The following SEC61A2 variants were observed in gnomAD, a reference collection of about 807,000 sequenced individuals.
SEC61A2 encodes the protein SEC61 translocon subunit alpha 2.
In SEC61A2, 28 loss-of-function variants were observed where a neutral mutation model predicts 59.9. The ratio of observed to expected loss-of-function variants is 0.47; its 90% CI spans 0.35 to 0.64. SEC61A2 has a LOEUF of 0.64. Ranked by LOEUF, SEC61A2 falls within the 30% of genes least tolerant of loss-of-function variation. The pLI, the probability that SEC61A2 is intolerant of heterozygous loss-of-function variation, is 0.01. For synonymous variants in SEC61A2, 202 were observed against 214.4 expected, an observed-to-expected ratio of 0.94 and a Z score of 0.50; for missense variants, 340 against 585.9, an observed-to-expected ratio of 0.58 and a Z score of 4.33.
chr10:12,158,038 T>C lies in SEC61A2; in HGVS notation c.908T>C (p.Val303Ala). The C allele has an allele frequency of 1.2e-6, 2 of 1,614,204 alleles. No homozygotes were observed. Among genetic ancestry groups the C allele is most frequent in the Non-Finnish European group, 1.7e-6 (2 of 1,180,028 alleles). ...LQSALVSNLY[V>A]ISQMLSVRFS... is the part of the protein sequence containing the mutation. ...TCGGCCCTGGTGTCCAACCTGTATGTTATTTCCCAGATGCTGTCTGTTCGA... is the reference window on the plus strand; with the variant it reads ...TCGGCCCTGGTGTCCAACCTGTATGCTATTTCCCAGATGCTGTCTGTTCGA... Residue 303 changes from valine to alanine, a missense_variant, in exon 9 of 12, where the codon GTT becomes GCT. Around this residue, in one of 3 missense-constraint regions of SEC61A2, gnomAD observed 283 missense variants for 483.2 expected, o/e 0.59. Coordinates refer to ENST00000298428, the MANE Select transcript of SEC61A2 (RefSeq NM_018144.4). The surrounding 1 kb of genome is among the most constrained non-coding windows in gnomAD (Gnocchi z 5.7).
chr10:12,153,646 C>G lies in SEC61A2; in HGVS notation c.463-2132C>G. 1 of 1,344,736 alleles carries G rather than the reference C, an allele frequency of 7.4e-7. No homozygotes were observed. Among genetic ancestry groups the G allele is most frequent in the Non-Finnish European group, 1.0e-6 (1 of 980,686 alleles). 83.3% of individuals were successfully genotyped at this position (1,344,736 alleles called of 1,614,324 possible). On this transcript the variant is annotated intron_variant, in intron 6 of 11. Coordinates refer to ENST00000298428, the MANE Select transcript of SEC61A2 (RefSeq NM_018144.4). The surrounding 1 kb of genome is among the most constrained non-coding windows in gnomAD (Gnocchi z 5.2). Reference sequence around the variant, plus strand: ...ACATGAATTCTGATACACAAATATGCGTGTTATGGCTAATTCTTCTAATGT... The same window carrying G: ...ACATGAATTCTGATACACAAATATGGGTGTTATGGCTAATTCTTCTAATGT...
chr10:12,164,894 T>G lies in SEC61A2; in HGVS notation c.*440T>G, dbSNP rs1834628392. 1 of 974,852 alleles carries G rather than the reference T, an allele frequency of 1.0e-6. No homozygotes were observed. Among genetic ancestry groups the G allele is most frequent in the Admixed American group, 6.1e-5 (1 of 16,272 alleles). The allele number at this position is 974,852 out of a possible 1,614,324, so 60.4% of individuals were successfully genotyped here. A position where few individuals can be genotyped will look rare whatever the true frequency, so the allele number is the denominator to read the frequency against. On this transcript the variant is annotated 3_prime_UTR_variant, in exon 12 of 12. Coordinates refer to ENST00000298428, the MANE Select transcript of SEC61A2 (RefSeq NM_018144.4). The surrounding 1 kb of genome is among the most constrained non-coding windows in gnomAD (Gnocchi z 7.3). ...ATTTATATCTAATCTATATTTTAGA[T>G]AATTACTTTTTATACTTTTTTAACT...
chr10:12,158,170 T>G lies in SEC61A2; in HGVS notation c.975+65T>G. On this transcript the variant is annotated intron_variant, in intron 9 of 11. Coordinates refer to ENST00000298428, the MANE Select transcript of SEC61A2 (RefSeq NM_018144.4). This position sits in a 1 kb window ranked among gnomAD's most constrained non-coding sequence, Gnocchi z 5.7. Reference sequence around the variant, plus strand: ...TAATTTGCATTTCATGGTTGTATTTTTAATGGAATGAGGTCGACATTGGAG... The same window carrying G: ...TAATTTGCATTTCATGGTTGTATTTGTAATGGAATGAGGTCGACATTGGAG... 8.4e-6 allele frequency: 11 copies of G among 1,304,818 alleles called. No homozygotes were observed. Among genetic ancestry groups the G allele is most frequent in the Non-Finnish European group, 1.1e-5 (10 of 923,540 alleles). 80.8% of individuals were successfully genotyped at this position (1,304,818 alleles called of 1,614,324 possible).
At position 12,164,552 on chromosome 10, in the gene SEC61A2, A is replaced by C; in HGVS notation, c.*98A>C. ...GGTGGCTCCCCTTTTCTCCCCTCACAGTTTCTTGTTTCGAGTGCTGACTGA... is the reference window on the plus strand; with the variant it reads ...GGTGGCTCCCCTTTTCTCCCCTCACCGTTTCTTGTTTCGAGTGCTGACTGA... On this transcript the variant is annotated 3_prime_UTR_variant, in exon 12 of 12. Coordinates refer to ENST00000298428, the MANE Select transcript of SEC61A2 (RefSeq NM_018144.4). The surrounding 1 kb of genome is among the most constrained non-coding windows in gnomAD (Gnocchi z 7.3). 1 of 1,515,308 alleles carries C rather than the reference A, an allele frequency of 6.6e-7. No homozygotes were observed. The highest frequency in any genetic ancestry group is 8.8e-7 in the Non-Finnish European group (1 of 1,136,594). The allele number at this position is 1,515,308 out of a possible 1,614,324, so 93.9% of individuals were successfully genotyped here. A position where few individuals can be genotyped will look rare whatever the true frequency, so the allele number is the denominator to read the frequency against.
Position 12,158,042 on chromosome 10 carries a change from T to C in SEC61A2, c.912T>C (p.Ile304=). 6.2e-7 allele frequency: 1 copy of C among 1,614,244 alleles called. No homozygotes were observed. Among genetic ancestry groups the C allele is most frequent in the Non-Finnish European group, 8.5e-7 (1 of 1,180,050 alleles). Reference sequence around the variant, plus strand: ...CCCTGGTGTCCAACCTGTATGTTATTTCCCAGATGCTGTCTGTTCGATTTA... The same window carrying C: ...CCCTGGTGTCCAACCTGTATGTTATCTCCCAGATGCTGTCTGTTCGATTTA... ...QSALVSNLYV[I]SQMLSVRFSG... is the part of the protein sequence containing the mutation. The change falls in exon 9 of 12, where the codon ATT becomes ATC. Residue 304 remains isoleucine (I), a synonymous_variant. Coordinates refer to ENST00000298428, the MANE Select transcript of SEC61A2 (RefSeq NM_018144.4). The surrounding 1 kb of genome is among the most constrained non-coding windows in gnomAD (Gnocchi z 5.7).
rs2131660191 is a variant in SEC61A2 at position 12,143,958 on chromosome 10, A to AGTAGCTGGGACTACTG, written c.220+766_220+781dup. Among the ~76,000 whole-genome samples the AGTAGCTGGGACTACTG allele has an allele frequency of 6.6e-6, 1 of 152,154 alleles. No homozygotes were observed. Among genetic ancestry groups the AGTAGCTGGGACTACTG allele is most frequent in the Admixed American group, 6.5e-5 (1 of 15,276 alleles). ...GCGATCCTCCCACTTCAGCCTCCTG[A>AGTAGCTGGGACTACTG]GTAGCTGGGACTACTGGTGCGTGCC... On this transcript the variant is annotated intron_variant, in intron 4 of 11. Coordinates refer to ENST00000298428, the MANE Select transcript of SEC61A2 (RefSeq NM_018144.4). The surrounding 1 kb of genome is among the most constrained non-coding windows in gnomAD (Gnocchi z 4.8).
intron 1 of SEC61A2, among the ~76,000 whole-genome samples, chr10:12,132,992 A>T (rs936168470): frequency 6.6e-6 from 1 of 152,196 alleles, no homozygotes. Context: ...AAAGTTCTGG[A>T]AAAAGGTTGC....
At position 12,162,168 on chromosome 10, in the gene SEC61A2, T is replaced by C. The variant is rs760265097; in HGVS notation, c.1168-45T>C. On this transcript the variant is annotated intron_variant, in intron 10 of 11. Transcript: ENST00000298428. This position sits in a 1 kb window ranked among gnomAD's most constrained non-coding sequence, Gnocchi z 6.1. ...CATAGAACGTGGTAGATGTAAGCAGTGAAATGTTCCAGTTGGATTTTGAAA... is the reference window on the plus strand; with the variant it reads ...CATAGAACGTGGTAGATGTAAGCAGCGAAATGTTCCAGTTGGATTTTGAAA... 4 of 1,501,458 alleles carry C rather than the reference T, an allele frequency of 2.7e-6. No individual in the cohort carries two copies. The highest frequency in any genetic ancestry group is 2.8e-6 in the Non-Finnish European group (3 of 1,078,094). 93.0% of individuals were successfully genotyped at this position (1,501,458 alleles called of 1,614,324 possible). A position where few individuals can be genotyped will look rare whatever the true frequency, so the allele number is the denominator to read the frequency against.
rs1159972516 is a variant in SEC61A2 at position 12,143,067 on chromosome 10, C to T, written c.142-50C>T. 7.0e-7 allele frequency: 1 copy of T among 1,431,676 alleles called. No individual in the cohort carries two copies. Among genetic ancestry groups the T allele is most frequent in the Admixed American group, 1.7e-5 (1 of 59,688 alleles). 88.7% of individuals were successfully genotyped at this position (1,431,676 alleles called of 1,614,324 possible). A position where few individuals can be genotyped will look rare whatever the true frequency, so the allele number is the denominator to read the frequency against. ...TCCTGGGTTCAAGCGATTCTTATGC[C>T]TCAGCCTTATATAATACAGTTTCAT... is the stretch of plus-strand genomic sequence containing the variant. On this transcript the variant is annotated intron_variant, in intron 3 of 11. Coordinates refer to ENST00000298428, the MANE Select transcript of SEC61A2 (RefSeq NM_018144.4). This position sits in a 1 kb window ranked among gnomAD's most constrained non-coding sequence, Gnocchi z 4.8.
chr10:12,138,362 A>G (rs1245457847), intron 3 of SEC61A2, among the ~76,000 whole-genome samples: 2 of 152,228 alleles, frequency 1.3e-5, no homozygotes, highest in African/African-American at 2.4e-5. Context: ...TCTCCCCACC[A>G]TTAAAAAAAA....
chr10:12,153,661 T>G lies in SEC61A2; in HGVS notation c.463-2117T>G. On this transcript the variant is annotated intron_variant, in intron 6 of 11. Transcript: ENST00000298428. The surrounding 1 kb of genome is among the most constrained non-coding windows in gnomAD (Gnocchi z 5.2). ...CACAAATATGCGTGTTATGGCTAATTCTTCTAATGTTAATATATAAAGAGG... is the reference window on the plus strand; with the variant it reads ...CACAAATATGCGTGTTATGGCTAATGCTTCTAATGTTAATATATAAAGAGG... 4 of 1,503,520 alleles carry G rather than the reference T, an allele frequency of 2.7e-6. No homozygotes were observed. The highest frequency in any genetic ancestry group is 3.6e-6 in the Non-Finnish European group (4 of 1,106,006). The allele number at this position is 1,503,520 out of a possible 1,614,324, so 93.1% of individuals were successfully genotyped here.
At position 12,162,834 on chromosome 10, in the gene SEC61A2, G is replaced by A. The variant is rs75506343; in HGVS notation, c.1244+545G>A. On this transcript the variant is annotated intron_variant, in intron 11 of 11. Coordinates refer to ENST00000298428, the MANE Select transcript of SEC61A2 (RefSeq NM_018144.4). The surrounding 1 kb of genome is among the most constrained non-coding windows in gnomAD (Gnocchi z 6.1). ...GCCCCAGACAGCCACTTTTAACTTT[G>A]TCTCTACAGATTTGCCTATTCTGTA... Among the ~76,000 whole-genome samples, 156 of 152,036 alleles carry A rather than the reference G, an allele frequency of 1.0e-3. No homozygotes were observed. The highest frequency in any genetic ancestry group is 3.7e-3 in the African/African-American group (155 of 41,446).
At chr10:12,130,529 CAT>C (rs1384710649) in intron 1 of SEC61A2, among the ~76,000 whole-genome samples, 1 of 152,128 alleles carries the variant, frequency 6.6e-6, no homozygotes, top group South Asian at 2.1e-4. Context: ...TAAAATTTTG[CAT>C]CACAAGGATA....
intron 2 of SEC61A2, 122 bp downstream of exon 2, chr10:12,133,430 C>T (rs1833810588): frequency 1.9e-6 from 1 of 514,560 alleles, no homozygotes; most frequent in Non-Finnish European, 3.6e-6. Flanking sequence ...TGGTGTTCAT[C>T]CTCCTTGCAA....
intron 2 of SEC61A2, among the ~76,000 whole-genome samples, chr10:12,134,158 C>G (rs377144369): frequency 7.9e-4 from 120 of 152,354 alleles, no homozygotes; most frequent in African/African-American, 2.8e-3. Context: ...AGGCGCCCAC[C>G]ACCATGCCCG....
intron 2 of SEC61A2, among the ~76,000 whole-genome samples, chr10:12,135,428 A>T (rs530037415): frequency 3.3e-4 from 50 of 152,352 alleles, no homozygotes; most frequent in South Asian, 1.2e-3. Flanking sequence ...GATTTAAAAA[A>T]ATATAAGCTT....
Position 12,165,008 on chromosome 10 carries a change from C to T in SEC61A2, c.*554C>T. On this transcript the variant is annotated 3_prime_UTR_variant, in exon 12 of 12. Coordinates refer to ENST00000298428, the MANE Select transcript of SEC61A2 (RefSeq NM_018144.4). ...AGCCCACATGGGCGAAATCAAGTCT[C>T]CAGTTATTTCTGCCACAACTGCTTC... The T allele has an allele frequency of 1.0e-6, 1 of 983,930 alleles. No homozygotes were observed. Among genetic ancestry groups the T allele is most frequent in the Non-Finnish European group, 1.2e-6 (1 of 829,732 alleles). The allele number at this position is 983,930 out of a possible 1,614,324, so 60.9% of individuals were successfully genotyped here.
chr10:12,153,086 CTT>C lies in SEC61A2; in HGVS notation c.463-2690_463-2689del, dbSNP rs1834317678. On this transcript the variant is annotated intron_variant, in intron 6 of 11. Transcript: ENST00000298428. This position sits in a 1 kb window ranked among gnomAD's most constrained non-coding sequence, Gnocchi z 5.2. ...AAAAAAAAAAAAAGATTAACTTTGT[CTT>C]TGTCTTTATTTGTCCATTTACAAAT... is the stretch of plus-strand genomic sequence containing the variant. Among the ~76,000 whole-genome samples, 1 of 151,414 alleles carries C rather than the reference CTT, an allele frequency of 6.6e-6. No individual in the cohort carries two copies. Among genetic ancestry groups the C allele is most frequent in the Non-Finnish European group, 1.5e-5 (1 of 67,878 alleles).
intron 3 of SEC61A2, among the ~76,000 whole-genome samples, chr10:12,138,125 G>A (rs892110806): frequency 2.6e-5 from 4 of 152,030 alleles, no homozygotes; most frequent in Admixed American, 1.3e-4. Context: ...AATTATATTA[G>A]GAAGCAGTAG....
Sources: gnomAD v4.1 joint callset for allele counts (sites outside exome capture counted in the v4.1 genomes callset) on GRCh38, gnomAD v4.1.1 for gene constraint, gnomAD v4.1.1 regional missense constraint, Gnocchi (gnomAD v3.1) non-coding constraint, MANE v1.5 for transcripts, NCBI Gene and HGNC (gene_info 2026-07-23, HGNC 2026-07-21) for gene names.